Variants in GRM7 observed in about 807,000 individuals in gnomAD.
GRM7 encodes the protein metabotropic glutamate receptor 7.
In GRM7, 35 loss-of-function variants were observed where a neutral mutation model predicts 84.5. The observed-to-expected ratio is 0.41, with a 90% CI of 0.32 to 0.55. GRM7 has a LOEUF of 0.55. Ranked by LOEUF, GRM7 falls within the 20% of genes least tolerant of loss-of-function variation. The probability of loss-of-function intolerance (pLI) is 0.19; values close to 1 mark genes in which losing one functional copy is unlikely to be tolerated. For missense variants in GRM7, 1,003 were observed against 1,194.6 expected (o/e 0.84, Z 2.36); for synonymous variants, 487 against 455.1 (o/e 1.07, Z -0.89).
At chr3:7,070,982 A>G (rs1009064476) in intron 1 of GRM7, among the ~76,000 whole-genome samples, 17 of 152,242 alleles carry the variant, frequency 1.1e-4, no homozygotes, top group African/African-American at 3.8e-4. Flanking sequence ...TTTCAAGAGC[A>G]CACTGGGGTT....
intron 1 of GRM7, among the ~76,000 whole-genome samples, chr3:6,947,855 G>C (rs1192083090): frequency 1.3e-5 from 2 of 152,172 alleles, no homozygotes; most frequent in Admixed American, 1.3e-4. Context: ...GGTGTTTATA[G>C]TGTTCTCTGA....
chr3:7,631,718 A>G (rs1326924337), intron 8 of GRM7, among the ~76,000 whole-genome samples: 3 of 152,116 alleles, frequency 2.0e-5, no homozygotes, highest in African/African-American at 7.2e-5. Flanking sequence ...CACCTACTAG[A>G]TGCTGGTAGC....
At chr3:7,517,313 T>C (rs1442373867) in intron 7 of GRM7, among the ~76,000 whole-genome samples, 1 of 152,212 alleles carries the variant, frequency 6.6e-6, no homozygotes, top group African/African-American at 2.4e-5. Context: ...AAAATGTTTG[T>C]ATAAATAAAC....
chr3:7,096,707 C>G (rs11916944), intron 1 of GRM7, among the ~76,000 whole-genome samples: 26,025 of 151,992 alleles, frequency 0.17, 2,297 homozygotes, highest in South Asian at 0.2. Context: ...TTCCAATGCT[C>G]TATTCACGGT....
intron 2 of GRM7, among the ~76,000 whole-genome samples, chr3:7,264,821 A>T (rs1014288646): frequency 6.6e-6 from 1 of 151,836 alleles, no homozygotes; most frequent in Admixed American, 6.6e-5. Context: ...GGCCACAAAG[A>T]CTACACCAGA....
chr3:7,492,522 C>G (rs1166795990), intron 7 of GRM7, among the ~76,000 whole-genome samples: 1 of 151,996 alleles, frequency 6.6e-6, no homozygotes, highest in Non-Finnish European at 1.5e-5. Context: ...GTTCTATTTA[C>G]CTATCTTTTA....
rs1694808581 is a variant in GRM7, at chr3:6,862,865, T to C, written c.519+958T>C. ...GTGAAGCGGGGCCCCGTGGTCCTCC[T>C]GCTCCGGTGCCGGAGGGAGACGGAG... On this transcript the variant is annotated intron_variant, in intron 1 of 9. Coordinates refer to ENST00000357716, the MANE Select transcript of GRM7 (RefSeq NM_000844.4). This position sits in a 1 kb window ranked among gnomAD's most constrained non-coding sequence, Gnocchi z 5.2. The C allele has an allele frequency of 2.6e-6, 1 of 382,420 alleles. No homozygotes were observed. Among genetic ancestry groups the C allele is most frequent in the East Asian group, 8.5e-5 (1 of 11,746 alleles). The allele number at this position is 382,420 out of a possible 1,614,324, so 23.7% of individuals were successfully genotyped here.
intron 1 of GRM7, among the ~76,000 whole-genome samples, chr3:7,075,668 G>A (rs1698047313): frequency 1.3e-5 from 2 of 151,984 alleles, no homozygotes; most frequent in African/African-American, 4.8e-5. Context: ...TGGGATTACA[G>A]GTGCCCGCCA....
chr3:7,180,273 C>T (rs1033067754), intron 2 of GRM7, among the ~76,000 whole-genome samples: 1 of 152,076 alleles, frequency 6.6e-6, no homozygotes, highest in African/African-American at 2.4e-5. Context: ...AAAATTTTGG[C>T]CAGGATTGAT....
intron 9 of GRM7, among the ~76,000 whole-genome samples, chr3:7,693,310 T>G (rs181637124): frequency 6.6e-6 from 1 of 152,142 alleles, no homozygotes; most frequent in African/African-American, 2.4e-5. Flanking sequence ...CTCAGAAGAT[T>G]TGCTAACATT....
At chr3:6,945,136 T>C (rs1461420095) in intron 1 of GRM7, among the ~76,000 whole-genome samples, 2 of 152,118 alleles carry the variant, frequency 1.3e-5, no homozygotes, top group Admixed American at 1.3e-4. Flanking sequence ...TATGTATACA[T>C]GTGCCATGTT....
At chr3:7,415,946 A>G (rs1696141576) in intron 5 of GRM7, among the ~76,000 whole-genome samples, 1 of 152,156 alleles carries the variant, frequency 6.6e-6, no homozygotes, top group South Asian at 2.1e-4. Flanking sequence ...CTAATGTTGA[A>G]GGTAGAAGCT....
chr3:7,446,464 G>GTTTTTTTTTTTTTTTTTTTT (rs370257829), intron 5 of GRM7, among the ~76,000 whole-genome samples: 8 of 130,570 alleles, frequency 6.1e-5, no homozygotes, highest in Non-Finnish European at 7.9e-5. Context: ...TTTTTTTTTT[G>GTTTTTTTTTTTTTTTTTTTT]TTTTTTTTTT....
intron 4 of GRM7, among the ~76,000 whole-genome samples, chr3:7,308,008 C>T (rs1047631593): frequency 5.3e-5 from 8 of 151,992 alleles, no homozygotes; most frequent in Non-Finnish European, 8.8e-5. Flanking sequence ...GGGAAGATAT[C>T]GTTGGATGCG....
At chr3:7,007,276 C>T (rs1276867895) in intron 1 of GRM7, among the ~76,000 whole-genome samples, 2 of 152,130 alleles carry the variant, frequency 1.3e-5, no homozygotes, top group African/African-American at 4.8e-5. Flanking sequence ...GATGGCCACA[C>T]CTAACCTGTA....
intron 1 of GRM7, among the ~76,000 whole-genome samples, chr3:7,079,761 A>G (rs566321650): frequency 3.7e-4 from 56 of 152,290 alleles, no homozygotes; most frequent in Non-Finnish European, 6.9e-4. Flanking sequence ...GAGGCCCTGG[A>G]TCATAATTTC....
intron 1 of GRM7, among the ~76,000 whole-genome samples, chr3:7,134,918 A>G (rs114258654): frequency 6.6e-6 from 1 of 151,858 alleles, no homozygotes; most frequent in East Asian, 1.9e-4. Flanking sequence ...AACATATGCT[A>G]TAACAAATAT....
At chr3:7,412,145 T>A (rs377337289) in intron 4 of GRM7, among the ~76,000 whole-genome samples, 7 of 152,178 alleles carry the variant, frequency 4.6e-5, no homozygotes, top group African/African-American at 1.7e-4. Context: ...CCAGGAGCTT[T>A]ATTTTTCTGA....
chr3:7,515,891 C>T (rs1456826871), intron 7 of GRM7, among the ~76,000 whole-genome samples: 1 of 151,988 alleles, frequency 6.6e-6, no homozygotes, highest in Non-Finnish European at 1.5e-5. Flanking sequence ...ACCTGTAATC[C>T]CAGCACTTTG....
Sources: gnomAD v4.1 joint callset for allele counts (sites outside exome capture counted in the v4.1 genomes callset) on GRCh38, gnomAD v4.1.1 for gene constraint, Gnocchi (gnomAD v3.1) non-coding constraint, MANE v1.5 for transcripts, NCBI Gene and HGNC (gene_info 2026-07-23, HGNC 2026-07-21) for gene names.